The following CORO1C variants were observed in gnomAD, a reference collection of about 807,000 sequenced individuals.
The protein encoded by CORO1C is coronin-1C.
Under a neutral mutation model 51.2 loss-of-function variants are expected in CORO1C, and 14 were observed. The observed-to-expected ratio is 0.27, with a 90% CI of 0.18 to 0.43. The LOEUF (loss-of-function observed/expected upper bound fraction) is 0.43. Among genes scored for constraint, CORO1C ranks in the 20% least tolerant of loss-of-function variants. CORO1C has a pLI of 1.00. For missense variants in CORO1C, 417 were observed against 607.8 expected, an observed-to-expected ratio of 0.69 and a Z score of 3.30; for synonymous variants, 181 against 210.5, an observed-to-expected ratio of 0.86 and a Z score of 1.21.
Position 108,701,225 on chromosome 12 carries a change from C to A in CORO1C, c.94G>T (p.Val32Leu). Reference protein sequence around the residue: ...QCYDDIRVSRVTWDSSFCAVN... With the variant: ...QCYDDIRVSRLTWDSSFCAVN... The stretch of plus-strand genomic sequence containing the variant: ...GCACAAAAGGAACTATCCCAGGTCA[C>A]ACGAGAAACCCGGATGTCATCATAG... Residue 32 changes from valine to leucine, a missense_variant, in exon 2 of 11, where the codon GTG (valine) becomes TTG (leucine). Coordinates refer to ENST00000261401, the MANE Select transcript of CORO1C (RefSeq NM_014325.4). 3 of 1,614,182 alleles carry A rather than the reference C, an allele frequency of 1.9e-6. No homozygotes were observed. Among genetic ancestry groups the A allele is most frequent in the Non-Finnish European group, 1.7e-6 (2 of 1,180,036 alleles).
intron 1 of CORO1C, among the ~76,000 whole-genome samples, chr12:108,725,793 C>A (rs1450044944): frequency 4.6e-5 from 7 of 152,158 alleles, no homozygotes; most frequent in Non-Finnish European, 1.0e-4. Context: ...CAGAAAGGTG[C>A]TAAGTGAATT....
rs779575841 is a variant in CORO1C at position 108,648,754 on chromosome 12, T to C, written c.1156A>G (p.Ile386Val). The change falls in exon 10 of 11, where the codon ATC becomes GTC. Residue 386 changes from isoleucine to valine, a missense_variant. By Grantham distance (29) the Ile-to-Val change is conservative. Transcript: ENST00000261401. ...TACCCGTGCTTCAAGGAGATGAGGA[T>C]TGGGTCTGCATTCTTGCCTTCGAAC... ...EWFEGKNADP[I>V]LISLKHGYIP... 12 of 1,614,050 alleles carry C rather than the reference T, an allele frequency of 7.4e-6. No individual in the cohort carries two copies. Among genetic ancestry groups the C allele is most frequent in the African/African-American group, 2.7e-5 (2 of 74,918 alleles).
rs1173290958 is a variant in CORO1C, at chr12:108,662,134, G to A, written c.343C>T (p.Leu115Phe). The change falls in exon 4 of 11, where the codon CTC becomes TTC. Residue 115 changes from leucine to phenylalanine, a missense_variant. Transcript: ENST00000261401. ...VMVWQIPENG[L>F]TLSLTEPVVI... ...ACAGGTTCAGTCAGGGAAAGGGTGA[G>A]TCCATTTTCTGGGATCTGCCATACC... 1.9e-6 allele frequency: 3 copies of A among 1,613,612 alleles called. No homozygotes were observed. Among genetic ancestry groups the A allele is most frequent in the Non-Finnish European group, 2.5e-6 (3 of 1,179,698 alleles).
At chr12:108,708,939 G>A (rs1018099408) in intron 1 of CORO1C, among the ~76,000 whole-genome samples, 1 of 151,026 alleles carries the variant, frequency 6.6e-6, no homozygotes, top group Admixed American at 6.6e-5. Flanking sequence ...TGGTAGAGAT[G>A]GGGGTCTAAC....
chr12:108,672,209 G>A (rs1179315786), intron 3 of CORO1C, among the ~76,000 whole-genome samples: 2 of 152,188 alleles, frequency 1.3e-5, no homozygotes, highest in Non-Finnish European at 2.9e-5. Flanking sequence ...CAAATGCCTG[G>A]TGCAAGATTG....
intron 8 of CORO1C, among the ~76,000 whole-genome samples, chr12:108,651,681 T>C (rs1018833114): frequency 1.1e-4 from 16 of 152,188 alleles, no homozygotes; most frequent in Non-Finnish European, 4.4e-5. Context: ...TAAAGATGCA[T>C]GTTTCACTAT....
At position 108,679,109 on chromosome 12, in the gene CORO1C, CAAAAAAAAAA is replaced by C. The variant is rs1183326267; in HGVS notation, c.196-725_196-716del. Among the ~76,000 whole-genome samples the C allele has an allele frequency of 4.1e-4, 9 of 22,160 alleles. No homozygotes were observed. In the East Asian group the frequency reaches 9.5e-3, roughly 23 times the overall value. 14.5% of individuals were successfully genotyped at this position (22,160 alleles called of 152,430 possible). On this transcript the variant is annotated intron_variant, in intron 2 of 10. Transcript: ENST00000261401. ...CTGGCGACAGAGAGAGACTCTGTCT[CAAAAAAAAAA>C]AAAAAAAAAAGAAACAAGAAAAAAG...
At chr12:108,709,044 C>A (rs541485473) in intron 1 of CORO1C, among the ~76,000 whole-genome samples, 3 of 152,104 alleles carry the variant, frequency 2.0e-5, no homozygotes, top group African/African-American at 7.2e-5. Flanking sequence ...CATTAGCCAC[C>A]ATGCCTGGTG....
chr12:108,674,917 C>T (rs1282527011), intron 3 of CORO1C, among the ~76,000 whole-genome samples: 1 of 152,152 alleles, frequency 6.6e-6, no homozygotes, highest in Non-Finnish European at 1.5e-5. Context: ...GTTGATAAGG[C>T]AGCAAAAGGG....
chr12:108,729,354 A>G (rs1411199285), intron 1 of CORO1C, among the ~76,000 whole-genome samples: 1 of 152,240 alleles, frequency 6.6e-6, no homozygotes, highest in Non-Finnish European at 1.5e-5. Context: ...AAGGATCATG[A>G]AAAAGTCAAT....
intron 1 of CORO1C, among the ~76,000 whole-genome samples, chr12:108,708,721 C>T (rs1266708449): frequency 6.6e-6 from 1 of 152,158 alleles, no homozygotes; most frequent in Non-Finnish European, 1.5e-5. Flanking sequence ...CTTGGCCTCC[C>T]AAAGTGCTGG....
intron 1 of CORO1C, among the ~76,000 whole-genome samples, chr12:108,707,794 A>G (rs1389699816): frequency 1.3e-5 from 2 of 152,228 alleles, no homozygotes; most frequent in Non-Finnish European, 2.9e-5. Flanking sequence ...TAATAAAAAC[A>G]TAGTCCAATT....
intron 1 of CORO1C, among the ~76,000 whole-genome samples, chr12:108,712,239 A>G (rs141220526): frequency 2.6e-5 from 4 of 152,200 alleles, no homozygotes; most frequent in African/African-American, 9.7e-5. Flanking sequence ...TCCTAAACTC[A>G]GTTATTTAAA....
chr12:108,652,189 T>C, intron 8 of CORO1C, 83 bp downstream of exon 8: 1 of 1,313,724 alleles, frequency 7.6e-7, no homozygotes. Flanking sequence ...ATTTTTGAGA[T>C]CTGAAGTATA....
intron 1 of CORO1C, among the ~76,000 whole-genome samples, chr12:108,705,459 CAAAAAAAAAA>C (rs1163703701): frequency 9.5e-5 from 6 of 63,416 alleles, no homozygotes; most frequent in Admixed American, 2.2e-4. Flanking sequence ...GACCCTGTCT[CAAAAAAAAAA>C]AAAAAAAAAA....
chr12:108,686,786 T>C (rs1434985538), intron 2 of CORO1C, among the ~76,000 whole-genome samples: 1 of 152,008 alleles, frequency 6.6e-6, no homozygotes, highest in Non-Finnish European at 1.5e-5. Context: ...GGGACATTGG[T>C]GAAATAGGTC....
At chr12:108,665,702 G>T (rs957832816) in intron 3 of CORO1C, among the ~76,000 whole-genome samples, 1 of 152,166 alleles carries the variant, frequency 6.6e-6, no homozygotes, top group African/African-American at 2.4e-5. Context: ...AGAGAATTAA[G>T]GAATTAATTA....
intron 3 of CORO1C, among the ~76,000 whole-genome samples, chr12:108,671,455 A>G (rs2033716896): frequency 6.6e-6 from 1 of 151,594 alleles, no homozygotes; most frequent in Non-Finnish European, 1.5e-5. Context: ...AAACCAAAGC[A>G]AAGGAACAGG....
At chr12:108,725,833 C>A (rs569652025) in intron 1 of CORO1C, among the ~76,000 whole-genome samples, 1 of 151,934 alleles carries the variant, frequency 6.6e-6, no homozygotes, top group African/African-American at 2.4e-5. Flanking sequence ...TTTTTTGAGA[C>A]GGATTCTTTC....
Sources: allele counts gnomAD v4.1 joint callset (sites outside exome capture counted in the v4.1 genomes callset), GRCh38; gene constraint gnomAD v4.1.1; transcripts MANE v1.5; gene names NCBI Gene and HGNC (gene_info 2026-07-23, HGNC 2026-07-21).